The following ATF7IP2 variants were observed in gnomAD, a reference collection of about 807,000 sequenced individuals.
ATF7IP2 encodes the protein activating transcription factor 7-interacting protein 2.
A neutral mutation model predicts 64.2 loss-of-function variants in ATF7IP2; 42 were observed. The ratio of observed to expected loss-of-function variants is 0.65; its 90% CI spans 0.51 to 0.85. ATF7IP2 has a LOEUF of 0.85. Ranked by LOEUF, ATF7IP2 falls within the 40% of genes least tolerant of loss-of-function variation. The probability of loss-of-function intolerance (pLI) is 0.00; values close to 1 mark genes in which losing one functional copy is unlikely to be tolerated. For synonymous variants in ATF7IP2, 308 were observed against 272.8 expected (o/e 1.13, Z -1.27); for missense variants, 933 against 784.2 (o/e 1.19, Z -2.27).
intron 1 of ATF7IP2, among the ~76,000 whole-genome samples, chr16:10,399,666 A>T (rs187942948): frequency 6.6e-6 from 1 of 152,280 alleles, no homozygotes; most frequent in East Asian, 1.9e-4. Context: ...TGCTTTGGCT[A>T]TTTGGGCTCT....
intron 3 of ATF7IP2, among the ~76,000 whole-genome samples, chr16:10,420,821 C>T (rs568025146): frequency 8.3e-4 from 126 of 152,330 alleles, no homozygotes; most frequent in African/African-American, 3.0e-3. Context: ...ATTACAGCTA[C>T]AAGCTCTGCT....
intron 9 of ATF7IP2, among the ~76,000 whole-genome samples, chr16:10,459,761 C>T (rs73497884): frequency 0.012 from 1,870 of 152,204 alleles, 45 homozygotes; most frequent in African/African-American, 0.042. Context: ...AAAATAAATT[C>T]GTGGCAAACT....
At chr16:10,427,536 C>T (rs2141860794) in intron 3 of ATF7IP2, among the ~76,000 whole-genome samples, 1 of 152,132 alleles carries the variant, frequency 6.6e-6, no homozygotes, top group East Asian at 1.9e-4. Flanking sequence ...CACATAAGCC[C>T]CTTGAGACAG....
chr16:10,470,001 A>C (rs1407173557), intron 9 of ATF7IP2, among the ~76,000 whole-genome samples: 4 of 152,146 alleles, frequency 2.6e-5, no homozygotes, highest in Admixed American at 2.0e-4. Context: ...AGAATACATC[A>C]ACAGACCTAC....
intron 12 of ATF7IP2, among the ~76,000 whole-genome samples, chr16:10,475,307 A>C (rs746278779): frequency 4.6e-5 from 7 of 152,226 alleles, no homozygotes; most frequent in Non-Finnish European, 8.8e-5. Flanking sequence ...TAAGTTAAAG[A>C]TATATATGGT....
chr16:10,427,095 C>G lies in ATF7IP2; in HGVS notation c.-159-1773C>G, dbSNP rs142066466. Among the ~76,000 whole-genome samples, 12 of 152,284 alleles carry G rather than the reference C, an allele frequency of 7.9e-5. No individual in the cohort carries two copies. The East Asian group carries it at 2.3e-3, about 29-fold the overall frequency. On this transcript the variant is annotated intron_variant, in intron 3 of 13. Coordinates refer to ENST00000562102, the MANE Select transcript of ATF7IP2 (RefSeq NM_001393719.1). ...TCTCGAACTCCTGGCCTCAGGTGAT[C>G]CGTTCGCCTCAGCCTTCCAGAGTGC...
intron 2 of ATF7IP2, among the ~76,000 whole-genome samples, chr16:10,419,240 T>C (rs868028759): frequency 6.6e-6 from 1 of 152,142 alleles, no homozygotes; most frequent in Non-Finnish European, 1.5e-5. Context: ...CAGCCAAGAT[T>C]GATAGTGAGG....
chr16:10,468,411 G>C (rs1240205067), intron 9 of ATF7IP2, among the ~76,000 whole-genome samples: 1 of 152,102 alleles, frequency 6.6e-6, no homozygotes, highest in Non-Finnish European at 1.5e-5. Flanking sequence ...CTATAAACAA[G>C]GCAAATCAGG....
In ATF7IP2 at chr16:10,425,469, G is replaced by A. The variant is rs139117735; in HGVS notation, c.-159-3399G>A. ...CACCTTAATATTAAATAATATAGAA[G>A]CAATAATGTAAATAATGTAAATTAA... On this transcript the variant is annotated intron_variant, in intron 3 of 13. Coordinates refer to ENST00000562102, the MANE Select transcript of ATF7IP2 (RefSeq NM_001393719.1). 2.4e-3 allele frequency among the ~76,000 whole-genome samples: 368 copies of A among 151,814 alleles called. 2 individuals carry two copies. The highest frequency in any genetic ancestry group is 8.5e-3 in the African/African-American group (350 of 41,384).
chr16:10,460,506 G>A (rs991411967), intron 9 of ATF7IP2, among the ~76,000 whole-genome samples: 3 of 152,270 alleles, frequency 2.0e-5, no homozygotes, highest in East Asian at 1.9e-4. Flanking sequence ...ATTGGCATGC[G>A]CTGGACAAAT....
At chr16:10,389,311 C>T (rs1158544677) in intron 1 of ATF7IP2, among the ~76,000 whole-genome samples, 1 of 152,098 alleles carries the variant, frequency 6.6e-6, no homozygotes, top group African/African-American at 2.4e-5. Context: ...ACTGAAAATA[C>T]GATGAGCTGT....
chr16:10,478,571 G>T (rs967503337), intron 12 of ATF7IP2, among the ~76,000 whole-genome samples: 30 of 152,164 alleles, frequency 2.0e-4, no homozygotes, highest in African/African-American at 5.8e-4. Context: ...ACCTAGGCAT[G>T]ACCATTCAGG....
chr16:10,400,282 T>A (rs2141768253), intron 1 of ATF7IP2, among the ~76,000 whole-genome samples: 1 of 152,248 alleles, frequency 6.6e-6, no homozygotes, highest in Non-Finnish European at 1.5e-5. Flanking sequence ...CTCAGGTAAT[T>A]TACCTGCCTT....
chr16:10,426,853 T>G (rs779169557), intron 3 of ATF7IP2, among the ~76,000 whole-genome samples: 21 of 152,068 alleles, frequency 1.4e-4, no homozygotes, highest in Non-Finnish European at 2.1e-4. Context: ...TGGTTTTTTT[T>G]TGTTGTTGTT....
At chr16:10,409,355 G>A (rs2047705796) in intron 1 of ATF7IP2, among the ~76,000 whole-genome samples, 1 of 152,162 alleles carries the variant, frequency 6.6e-6, no homozygotes, top group Non-Finnish European at 1.5e-5. Flanking sequence ...AGAAAGTTGA[G>A]TTTGAGAACA....
At chr16:10,432,417 A>T (rs1383517436) in intron 5 of ATF7IP2, among the ~76,000 whole-genome samples, 1 of 152,190 alleles carries the variant, frequency 6.6e-6, no homozygotes, top group Admixed American at 6.5e-5. Flanking sequence ...AAAATTCCTT[A>T]AAAATAATAA....
intron 1 of ATF7IP2, among the ~76,000 whole-genome samples, chr16:10,393,331 A>G (rs1419656500): frequency 6.6e-6 from 1 of 151,190 alleles, no homozygotes; most frequent in African/African-American, 2.4e-5. Context: ...AAAAAAAAAA[A>G]AAAAAAAAAA....
chr16:10,436,563 CAG>C (rs1052134253), intron 6 of ATF7IP2, among the ~76,000 whole-genome samples: 1 of 151,370 alleles, frequency 6.6e-6, no homozygotes, highest in Non-Finnish European at 1.5e-5. Flanking sequence ...CACTTGGAAA[CAG>C]GAAGGAAGAG....
chr16:10,413,357 C>A (rs926884482), intron 1 of ATF7IP2, among the ~76,000 whole-genome samples: 1 of 152,148 alleles, frequency 6.6e-6, no homozygotes, highest in Non-Finnish European at 1.5e-5. Context: ...TCCGCTTTTG[C>A]TGCTTCCTCA....
Sources: gnomAD v4.1 joint callset for allele counts (sites outside exome capture counted in the v4.1 genomes callset) on GRCh38, gnomAD v4.1.1 for gene constraint, MANE v1.5 for transcripts, NCBI Gene and HGNC (gene_info 2026-07-23, HGNC 2026-07-21) for gene names.